Variants in PPM1L observed in about 807,000 individuals in gnomAD.
PPM1L encodes protein phosphatase 1L.
A neutral mutation model predicts 31.4 loss-of-function variants in PPM1L; 13 were observed. The ratio of observed to expected loss-of-function variants is 0.41; its 90% CI spans 0.27 to 0.66. The LOEUF (loss-of-function observed/expected upper bound fraction) is 0.66. Ranked by LOEUF, PPM1L falls within the 30% of genes least tolerant of loss-of-function variation. The pLI is 0.29. For synonymous variants in PPM1L, 184 were observed against 175.4 expected, an observed-to-expected ratio of 1.05 and a Z score of -0.39; for missense variants, 326 against 453.7, an observed-to-expected ratio of 0.72 and a Z score of 2.56.
intron 2 of PPM1L, among the ~76,000 whole-genome samples, chr3:161,040,794 T>A (rs971587854): frequency 1.3e-5 from 2 of 152,206 alleles, no homozygotes; most frequent in African/African-American, 4.8e-5. Context: ...TAACCCTATA[T>A]ATTGTGACTT....
chr3:160,969,441 T>A (rs578189936), intron 2 of PPM1L, among the ~76,000 whole-genome samples: 13 of 152,204 alleles, frequency 8.5e-5, no homozygotes, highest in African/African-American at 2.4e-4. Context: ...TTTACTGTCA[T>A]GGGGGAAAAA....
At chr3:161,016,356 A>G (rs1196286005) in intron 2 of PPM1L, among the ~76,000 whole-genome samples, 1 of 152,250 alleles carries the variant, frequency 6.6e-6, no homozygotes, top group Non-Finnish European at 1.5e-5. Context: ...AGGAGCTTGT[A>G]GTCTTGTGAA....
At chr3:160,795,819 A>G (rs529731983) in intron 1 of PPM1L, among the ~76,000 whole-genome samples, 30 of 152,302 alleles carry the variant, frequency 2.0e-4, no homozygotes, top group Middle Eastern at 3.4e-3. Flanking sequence ...GAAGACTGCA[A>G]ACTTACCCCC....
intron 1 of PPM1L, among the ~76,000 whole-genome samples, chr3:160,794,382 C>G (rs1219724858): frequency 6.6e-6 from 1 of 152,058 alleles, no homozygotes; most frequent in African/African-American, 2.4e-5. Context: ...GTCTCTGTGT[C>G]CAATAGCTCT....
At chr3:160,859,846 T>C (rs1371148025) in intron 1 of PPM1L, among the ~76,000 whole-genome samples, 2 of 152,022 alleles carry the variant, frequency 1.3e-5, no homozygotes, top group Admixed American at 6.6e-5. Context: ...TGTGAGAAGG[T>C]TTATGAGGTG....
At chr3:160,851,569 A>G (rs1711527989) in intron 1 of PPM1L, among the ~76,000 whole-genome samples, 1 of 152,240 alleles carries the variant, frequency 6.6e-6, no homozygotes, top group African/African-American at 2.4e-5. Flanking sequence ...CATCTTTGAG[A>G]AGGAAGAATA....
rs530802139 is a variant in PPM1L, at chr3:160,891,900, A to G, written c.400-69836A>G. On this transcript the variant is annotated intron_variant, in intron 1 of 3. Transcript: ENST00000498165. ...CCTCAGGAAACTAATACAGGAACAG[A>G]AAACCAAACGCCACATGTTCTCACT... is the stretch of plus-strand genomic sequence containing the variant. Among the ~76,000 whole-genome samples the G allele has an allele frequency of 2.6e-5, 4 of 152,342 alleles. No homozygotes were observed. In the East Asian group the frequency reaches 7.7e-4, roughly 29 times the overall value.
In PPM1L at chr3:160,788,609, T is replaced by C. The variant is rs374222542; in HGVS notation, c.399+31902T>C. On this transcript the variant is annotated intron_variant, in intron 1 of 3. Coordinates refer to ENST00000498165, the MANE Select transcript of PPM1L (RefSeq NM_139245.4). ...GCCATCACATTTAGCAATTTTATTA[T>C]TTTGGGATTTTGAATTTTACTTAGA... Among the ~76,000 whole-genome samples the C allele has an allele frequency of 7.9e-5, 12 of 152,184 alleles. No individual in the cohort carries two copies. The East Asian group carries it at 2.3e-3, about 29-fold the overall frequency.
intron 1 of PPM1L, among the ~76,000 whole-genome samples, chr3:160,910,412 C>T (rs527451572): frequency 1.2e-4 from 18 of 151,606 alleles, no homozygotes; most frequent in South Asian, 2.1e-4. Flanking sequence ...TCCCAGGTTC[C>T]GGTGATTGTC....
intron 2 of PPM1L, among the ~76,000 whole-genome samples, chr3:160,967,601 A>G (rs185292317): frequency 6.6e-6 from 1 of 152,136 alleles, no homozygotes; most frequent in Non-Finnish European, 1.5e-5. Context: ...TCATAATACC[A>G]TCACCATGAG....
At chr3:160,992,843 C>T (rs1437420361) in intron 2 of PPM1L, among the ~76,000 whole-genome samples, 2 of 152,182 alleles carry the variant, frequency 1.3e-5, no homozygotes, top group East Asian at 1.9e-4. Context: ...GCTATGTGCT[C>T]ATCTGACTCA....
intron 1 of PPM1L, among the ~76,000 whole-genome samples, chr3:160,830,144 A>C (rs2108096874): frequency 6.6e-6 from 1 of 152,306 alleles, no homozygotes; most frequent in South Asian, 2.1e-4. Flanking sequence ...GTAAAAACAA[A>C]ACCTAAGGAT....
chr3:160,952,489 G>A (rs1390020024), intron 1 of PPM1L, among the ~76,000 whole-genome samples: 2 of 152,116 alleles, frequency 1.3e-5, no homozygotes, highest in Non-Finnish European at 2.9e-5. Flanking sequence ...AATACCTTGT[G>A]ATCATCCCTC....
chr3:160,772,619 A>G (rs901439036), intron 1 of PPM1L, among the ~76,000 whole-genome samples: 1 of 152,232 alleles, frequency 6.6e-6, no homozygotes, highest in African/African-American at 2.4e-5. Context: ...CAGTTTTGTT[A>G]TATACCCACG....
chr3:160,952,226 G>C (rs954394444), intron 1 of PPM1L, among the ~76,000 whole-genome samples: 1 of 152,154 alleles, frequency 6.6e-6, no homozygotes, highest in East Asian at 1.9e-4. Flanking sequence ...TTATTTTAAA[G>C]TGCCTGGAGC....
rs556917538 is a variant in PPM1L, at chr3:160,974,665, G to A, written c.574+12755G>A. On this transcript the variant is annotated intron_variant, in intron 2 of 3. Transcript: ENST00000498165. Reference sequence around the variant, plus strand: ...TCATGTGTTTTTTGGCTGCATAAATGTCTTCTTTTGAGAAGTGTCTGTTCA... The same window carrying A: ...TCATGTGTTTTTTGGCTGCATAAATATCTTCTTTTGAGAAGTGTCTGTTCA... Among the ~76,000 whole-genome samples the A allele has an allele frequency of 1.3e-4, 20 of 149,792 alleles. No homozygotes were observed. The South Asian group carries it at 2.2e-3, about 16-fold the overall frequency.
rs1491333352 is a variant in PPM1L at position 160,944,792 on chromosome 3, TTA to T, written c.400-16937_400-16936del. On this transcript the variant is annotated intron_variant, in intron 1 of 3. Transcript: ENST00000498165. ...CATGTTATATATTATATTATATATG[TTA>T]TATATAACATATATAACATATATAT... Among the ~76,000 whole-genome samples, 33 of 29,084 alleles carry T rather than the reference TTA, an allele frequency of 1.1e-3. 6 individuals carry two copies. The highest frequency in any genetic ancestry group is 1.9e-3 in the Non-Finnish European group (16 of 8,454). 19.1% of individuals were successfully genotyped at this position (29,084 alleles called of 152,430 possible).
At chr3:160,981,180 A>G (rs1716784747) in intron 2 of PPM1L, among the ~76,000 whole-genome samples, 1 of 152,296 alleles carries the variant, frequency 6.6e-6, no homozygotes, top group South Asian at 2.1e-4. Context: ...ATTGCTGCAT[A>G]ACAAATTACT....
At chr3:161,001,890 G>A (rs1717494979) in intron 2 of PPM1L, among the ~76,000 whole-genome samples, 2 of 152,044 alleles carry the variant, frequency 1.3e-5, no homozygotes, top group Admixed American at 1.3e-4. Context: ...ACAAGGTGCA[G>A]GTTAGTTACA....
Sources: gnomAD v4.1 joint callset for allele counts (sites outside exome capture counted in the v4.1 genomes callset) on GRCh38, gnomAD v4.1.1 for gene constraint, MANE v1.5 for transcripts, NCBI Gene and HGNC (gene_info 2026-07-23, HGNC 2026-07-21) for gene names.